ZDHHC22: variants seen among roughly 807,000 people sequenced by gnomAD.
The protein encoded by ZDHHC22 is zDHHC palmitoyltransferase 22, also known as palmitoyltransferase ZDHHC22.
A neutral mutation model predicts 17.0 loss-of-function variants in ZDHHC22; 13 were observed. That is an observed-to-expected ratio of 0.76 (90% CI 0.50 to 1.21). The LOEUF (loss-of-function observed/expected upper bound fraction) is 1.21, where lower values mean the gene tolerates loss of function less well. Among genes scored for constraint, ZDHHC22 ranks in the 50% most tolerant of loss-of-function variants. ZDHHC22 has a pLI of 0.00. For missense variants in ZDHHC22, 319 were observed against 342.3 expected (o/e 0.93, Z 0.54); for synonymous variants, 138 against 154.7 (o/e 0.89, Z 0.80).
At chr14:77,139,934 C>A (rs1044536472) in intron 1 of ZDHHC22, among the ~76,000 whole-genome samples, 182 bp from the exon 2 acceptor site, 2 of 152,184 alleles carry the variant, frequency 1.3e-5, no homozygotes, top group South Asian at 2.1e-4. Flanking sequence ...AGACCCGAGC[C>A]CGCAGCGGCC....
intron 2 of ZDHHC22, among the ~76,000 whole-genome samples, chr14:77,135,271 C>T (rs1249351338): frequency 1.3e-5 from 2 of 151,660 alleles, no homozygotes; most frequent in Non-Finnish European, 2.9e-5. Context: ...TTGCCCTTTC[C>T]CTAGCCTTCT....
chr14:77,137,237 G>A (rs1323439772), intron 2 of ZDHHC22, among the ~76,000 whole-genome samples: 1 of 152,186 alleles, frequency 6.6e-6, no homozygotes, highest in East Asian at 1.9e-4. Flanking sequence ...GAGGTAAGAA[G>A]TCTTGCTCGC....
intron 2 of ZDHHC22, among the ~76,000 whole-genome samples, chr14:77,135,544 A>C (rs1030619874): frequency 6.6e-6 from 1 of 151,846 alleles, no homozygotes; most frequent in Non-Finnish European, 1.5e-5. Flanking sequence ...CTCCACTGGC[A>C]CAGGGGCAGC....
rs1887127488 is a variant in ZDHHC22, at chr14:77,135,897, G to T, written c.527-1949C>A. On this transcript the variant is annotated intron_variant, in intron 2 of 2. Transcript: ENST00000319374. ...AGCAGCTACAAAAGGCTATTCTGGGGACCTGCTTTCTCTAAAAGTGTTTGA... is the reference window on the plus strand; with the variant it reads ...AGCAGCTACAAAAGGCTATTCTGGGTACCTGCTTTCTCTAAAAGTGTTTGA... Among the ~76,000 whole-genome samples, 3 of 152,184 alleles carry T rather than the reference G, an allele frequency of 2.0e-5. 1 individual carries two copies. The highest frequency in any genetic ancestry group is 1.3e-4 in the Admixed American group (2 of 15,286).
At position 77,140,145 on chromosome 14, in the gene ZDHHC22, A is replaced by G. The variant is rs1305574339; in HGVS notation, c.-14-393T>C. Reference sequence around the variant, plus strand: ...CCCAGGTTTGGGATTTCTGGTTCAGACCTCCCTAGGAGGAGAAAGGGAAGG... The same window carrying G: ...CCCAGGTTTGGGATTTCTGGTTCAGGCCTCCCTAGGAGGAGAAAGGGAAGG... On this transcript the variant is annotated intron_variant, in intron 1 of 2. Coordinates refer to ENST00000319374, the MANE Select transcript of ZDHHC22 (RefSeq NM_174976.2). This position sits in a 1 kb window ranked among gnomAD's most constrained non-coding sequence, Gnocchi z 5.9. Among the ~76,000 whole-genome samples, 1 of 151,654 alleles carries G rather than the reference A, an allele frequency of 6.6e-6. No individual in the cohort carries two copies. The highest frequency in any genetic ancestry group is 1.9e-4 in the East Asian group (1 of 5,162).
chr14:77,138,065 A>G (rs981403754), intron 2 of ZDHHC22, among the ~76,000 whole-genome samples: 3 of 152,220 alleles, frequency 2.0e-5, no homozygotes, highest in Non-Finnish European at 2.9e-5. Flanking sequence ...AATGCTATAC[A>G]TGCACACTCA....
At chr14:77,134,388 T>C (rs1367780211) in intron 2 of ZDHHC22, among the ~76,000 whole-genome samples, 1 of 152,118 alleles carries the variant, frequency 6.6e-6, no homozygotes, top group Non-Finnish European at 1.5e-5. Context: ...AGCAGGTGCC[T>C]GGGCAGCTGT....
chr14:77,133,553 G>A lies in ZDHHC22; in HGVS notation c.*130C>T. 1 of 1,256,604 alleles carries A rather than the reference G, an allele frequency of 8.0e-7. No individual in the cohort carries two copies. The highest frequency in any genetic ancestry group is 1.6e-5 in the South Asian group (1 of 63,970). The allele number at this position is 1,256,604 out of a possible 1,614,324, so 77.8% of individuals were successfully genotyped here. ...CTCACGCTGTTCTCATGGGTGGAAG[G>A]TGAGGGGAAGATGCTAGGACCTTAC... On this transcript the variant is annotated 3_prime_UTR_variant, in exon 3 of 3. Coordinates refer to ENST00000319374, the MANE Select transcript of ZDHHC22 (RefSeq NM_174976.2).
Position 77,133,636 on chromosome 14 carries a change from A to G in ZDHHC22, c.*47T>C. On this transcript the variant is annotated 3_prime_UTR_variant, in exon 3 of 3. Coordinates refer to ENST00000319374, the MANE Select transcript of ZDHHC22 (RefSeq NM_174976.2). Reference sequence around the variant, plus strand: ...ACAAGGCTGCCATGGTTTTATGCTCAGGAGGAGTCAAGACAGAGACAGAGA... The same window carrying G: ...ACAAGGCTGCCATGGTTTTATGCTCGGGAGGAGTCAAGACAGAGACAGAGA... 6.3e-7 allele frequency: 1 copy of G among 1,577,126 alleles called. No individual in the cohort carries two copies. The highest frequency in any genetic ancestry group is 8.6e-7 in the Non-Finnish European group (1 of 1,160,708).
Position 77,139,285 on chromosome 14 carries a change from G to T in ZDHHC22, c.454C>A (p.Leu152Ile). The T allele has an allele frequency of 1.3e-6, 2 of 1,597,578 alleles. No individual in the cohort carries two copies. Among genetic ancestry groups the T allele is most frequent in the Non-Finnish European group, 1.7e-6 (2 of 1,172,468 alleles). ...VAGVAYISAV[L>I]SISFAHPLAF... ...AAGGGGTGGGCGAAGGAGATGGAAA[G>T]GACAGCGGAGATGTAGGCCACGCCG... The change falls in exon 2 of 3, where the codon CTT becomes ATT. Residue 152 changes from leucine (L) to isoleucine (I), a missense_variant. Leu to Ile is a conservative substitution (Grantham distance 5, BLOSUM62 2). Transcript: ENST00000319374.
chr14:77,134,067 T>A, intron 2 of ZDHHC22, 119 bp from the exon 3 acceptor site: 3 of 1,256,214 alleles, frequency 2.4e-6, no homozygotes, highest in Non-Finnish European at 3.2e-6. Context: ...TGACGCTACA[T>A]TTTGTAGCAA....
intron 2 of ZDHHC22, among the ~76,000 whole-genome samples, chr14:77,137,616 T>C (rs1248371596): frequency 7.4e-6 from 1 of 134,574 alleles, no homozygotes; most frequent in Non-Finnish European, 1.5e-5. Context: ...CCAGAAGGCC[T>C]GAAAGCTGTG....
At chr14:77,138,842 C>G (rs1244571543) in intron 2 of ZDHHC22, among the ~76,000 whole-genome samples, 1 of 152,138 alleles carries the variant, frequency 6.6e-6, no homozygotes, top group African/African-American at 2.4e-5. Context: ...GAGGAATGGC[C>G]AGCACCTAGT....
intron 2 of ZDHHC22, 97 bp from the exon 3 acceptor site, chr14:77,134,045 G>T: frequency 7.3e-7 from 1 of 1,364,388 alleles, no homozygotes. Context: ...GAGGGAGGGA[G>T]ATTAATGAGA....
intron 2 of ZDHHC22, among the ~76,000 whole-genome samples, chr14:77,135,190 T>TGGC (rs930379188): frequency 4.2e-5 from 6 of 143,758 alleles, no homozygotes; most frequent in Admixed American, 2.1e-4. Context: ...CCTCCTCTGG[T>TGGC]GGGGGGGGGG....
rs951771841 is a variant in ZDHHC22, at chr14:77,140,366, C to A, written c.-14-614G>T. 7.9e-5 allele frequency among the ~76,000 whole-genome samples: 12 copies of A among 152,258 alleles called. No individual in the cohort carries two copies. The highest frequency in any genetic ancestry group is 1.8e-4 in the Non-Finnish European group (12 of 68,018). On this transcript the variant is annotated intron_variant, in intron 1 of 2. Transcript: ENST00000319374. The surrounding 1 kb of genome is among the most constrained non-coding windows in gnomAD (Gnocchi z 5.9). Reference sequence around the variant, plus strand: ...ACGATGTGTGTGTGTGTGTCCTTGTCTGTGACTCTGTACGTGTAATCTGTG... The same window carrying A: ...ACGATGTGTGTGTGTGTGTCCTTGTATGTGACTCTGTACGTGTAATCTGTG...
In ZDHHC22 at chr14:77,139,562, G is replaced by A; in HGVS notation, c.177C>T (p.Ala59=). ...CAAGGACGTAATTGCCCAGGGCGTT[G>A]GCCGAGAGGAATAGGAAGAGCGCCC... ...LHGALFLFLS[A]NALGNYVLVI... is the part of the protein sequence containing the mutation. The change falls in exon 2 of 3, where the codon GCC becomes GCT. Residue 59 remains alanine (A), a synonymous_variant. Coordinates refer to ENST00000319374, the MANE Select transcript of ZDHHC22 (RefSeq NM_174976.2). 1 of 1,603,292 alleles carries A rather than the reference G, an allele frequency of 6.2e-7. No homozygotes were observed. The highest frequency in any genetic ancestry group is 8.5e-7 in the Non-Finnish European group (1 of 1,174,764).
At chr14:77,139,136 T>C in intron 2 of ZDHHC22, 77 bp downstream of exon 2, 7 of 1,464,752 alleles carry the variant, frequency 4.8e-6, no homozygotes, top group Non-Finnish European at 6.4e-6. Context: ...CTTTTGGGGT[T>C]GGGGTTTGGG....
chr14:77,139,225 G>A lies in ZDHHC22; in HGVS notation c.514C>T (p.Gln172Ter), dbSNP rs771072909. The A allele has an allele frequency of 6.3e-7, 1 of 1,581,014 alleles. No individual in the cohort carries two copies. The highest frequency in any genetic ancestry group is 8.6e-7 in the Non-Finnish European group (1 of 1,163,584). ...FLTLLPTSISQFFSGAVLGSE... is the reference protein window; with the variant it reads ...FLTLLPTSIS ...AAGGCCCACTCACCGGAGAAGAACTGGCTGATGGAGGTGGGCAGGAGCGTG... is the reference window on the plus strand; with the variant it reads ...AAGGCCCACTCACCGGAGAAGAACTAGCTGATGGAGGTGGGCAGGAGCGTG... Residue 172 changes from glutamine to a stop codon, truncating the protein, a stop_gained, in exon 2 of 3, where the codon CAG (glutamine) becomes TAG (stop). Coordinates refer to ENST00000319374, the MANE Select transcript of ZDHHC22 (RefSeq NM_174976.2). LOFTEE classifies it high-confidence loss of function.
Sources: gnomAD v4.1 joint callset for allele counts (sites outside exome capture counted in the v4.1 genomes callset) on GRCh38, gnomAD v4.1.1 for gene constraint, Gnocchi (gnomAD v3.1) non-coding constraint, MANE v1.5 for transcripts, NCBI Gene and HGNC (gene_info 2026-07-23, HGNC 2026-07-21) for gene names.